Variants in DAAM1 observed in about 807,000 individuals in gnomAD.
DAAM1 encodes dishevelled associated activator of morphogenesis 1.
DAAM1 carries 52 observed loss-of-function variants against 130.0 expected under a neutral mutation model. That is an observed-to-expected ratio of 0.40 (90% CI 0.32 to 0.50). The LOEUF is 0.50. DAAM1 is among the 20% of genes least tolerant of loss of function. The pLI is 0.61. For missense variants in DAAM1, 1,134 were observed against 1,303.8 expected (o/e 0.87, Z 2.01); for synonymous variants, 452 against 444.5 (o/e 1.02, Z -0.21).
At chr14:59,269,443 C>T (rs2139518458) in intron 2 of DAAM1, among the ~76,000 whole-genome samples, 1 of 152,346 alleles carries the variant, frequency 6.6e-6, no homozygotes, top group South Asian at 2.1e-4. Flanking sequence ...GGGAGCTCTA[C>T]AGTTGTCCAG....
rs552897753 is a variant in DAAM1, at chr14:59,248,435, T to C, written c.-37-15006T>C. ...GTAAAGATCTTTCTTTGCTTATTGT[T>C]TGTCTCCTGCAGCTTCAGAAGTGTT... is the stretch of plus-strand genomic sequence containing the variant. On this transcript the variant is annotated intron_variant, in intron 1 of 24. Coordinates refer to ENST00000360909, the MANE Select transcript of DAAM1 (RefSeq NM_001270520.2). 1.4e-4 allele frequency among the ~76,000 whole-genome samples: 22 copies of C among 152,338 alleles called. No individual in the cohort carries two copies. In the East Asian group the frequency reaches 4.2e-3, roughly 29 times the overall value.
At chr14:59,368,558 A>G in intron 24 of DAAM1, 92 bp from the exon 25 acceptor site, 9 of 1,306,914 alleles carry the variant, frequency 6.9e-6, no homozygotes, top group Non-Finnish European at 9.5e-6. Context: ...TGGTGTCTGG[A>G]GCATTACCAT....
At chr14:59,298,176 GT>G (rs1170817502) in intron 3 of DAAM1, among the ~76,000 whole-genome samples, 1 of 152,178 alleles carries the variant, frequency 6.6e-6, no homozygotes, top group East Asian at 1.9e-4. Context: ...GACATGGTCT[GT>G]TTCTCTGTCT....
At chr14:59,206,625 G>A (rs1434093925) in intron 1 of DAAM1, among the ~76,000 whole-genome samples, 2 of 152,192 alleles carry the variant, frequency 1.3e-5, no homozygotes, top group African/African-American at 2.4e-5. Context: ...TTATTCCAGT[G>A]TTTAAAATTA....
chr14:59,194,811 A>G (rs1478746889), intron 1 of DAAM1, among the ~76,000 whole-genome samples: 1 of 152,244 alleles, frequency 6.6e-6, no homozygotes, highest in Non-Finnish European at 1.5e-5. Flanking sequence ...CTATTCTTTT[A>G]AACCATAGCC....
chr14:59,358,591 C>G (rs1886577074), intron 20 of DAAM1, among the ~76,000 whole-genome samples: 2 of 152,056 alleles, frequency 1.3e-5, no homozygotes, highest in Non-Finnish European at 1.5e-5. Context: ...ACCTATAATC[C>G]CAGCACTTTG....
At chr14:59,363,574 T>C (rs1886795740) in intron 22 of DAAM1, 77 bp from the exon 23 acceptor site, 3 of 1,576,712 alleles carry the variant, frequency 1.9e-6, no homozygotes, top group African/African-American at 1.4e-5. Flanking sequence ...ATTTAAGGCA[T>C]GTGAAATATG....
At chr14:59,225,030 T>TG (rs1888895387) in intron 1 of DAAM1, among the ~76,000 whole-genome samples, 7 of 139,668 alleles carry the variant, frequency 5.0e-5, no homozygotes, top group African/African-American at 1.6e-4. Flanking sequence ...TTTTTTTTTT[T>TG]TTTTTTTTTT....
At chr14:59,268,757 TCCCTCTCACCTCTACCTCCTC>T (rs1266027171) in intron 2 of DAAM1, among the ~76,000 whole-genome samples, 5 of 152,222 alleles carry the variant, frequency 3.3e-5, no homozygotes, top group African/African-American at 9.6e-5. Flanking sequence ...CTTTTTCCTC[TCCCTCTCACCTCTACCTCCTC>T]CCCTCTCCCA....
At chr14:59,194,861 T>C (rs952272410) in intron 1 of DAAM1, among the ~76,000 whole-genome samples, 5 of 152,234 alleles carry the variant, frequency 3.3e-5, no homozygotes, top group Non-Finnish European at 7.3e-5. Context: ...GGAAGCAAGT[T>C]CAATTTCCAA....
At chr14:59,358,605 G>A (rs991905471) in intron 20 of DAAM1, among the ~76,000 whole-genome samples, 3 of 152,106 alleles carry the variant, frequency 2.0e-5, no homozygotes, top group Admixed American at 6.5e-5. Flanking sequence ...CACTTTGGGA[G>A]GCCGAGGCGG....
chr14:59,303,479 C>T (rs1054721063), intron 3 of DAAM1, among the ~76,000 whole-genome samples: 2 of 152,090 alleles, frequency 1.3e-5, no homozygotes, highest in African/African-American at 2.4e-5. Flanking sequence ...CCCTGGTTAG[C>T]GATGGAGTAC....
intron 2 of DAAM1, chr14:59,266,071 A>G (rs1482272845): frequency 1.3e-5 from 2 of 152,178 alleles, no homozygotes; most frequent in African/African-American, 2.4e-5. Context: ...ACAGCAATCA[A>G]GAAGGGCAAT....
chr14:59,240,621 A>G (rs1000763053), intron 1 of DAAM1, among the ~76,000 whole-genome samples: 2 of 152,182 alleles, frequency 1.3e-5, no homozygotes, highest in African/African-American at 4.8e-5. Flanking sequence ...ATTTTGGGGT[A>G]GCTTCTGACA....
intron 22 of DAAM1, among the ~76,000 whole-genome samples, chr14:59,361,416 C>T (rs1229556991): frequency 1.3e-5 from 2 of 152,160 alleles, no homozygotes; most frequent in African/African-American, 2.4e-5. Context: ...AGAGTGATTA[C>T]GGAGGTGCCT....
At chr14:59,270,779 G>A (rs1212641474) in intron 2 of DAAM1, among the ~76,000 whole-genome samples, 1 of 152,114 alleles carries the variant, frequency 6.6e-6, no homozygotes, top group Non-Finnish European at 1.5e-5. Context: ...CAGCAACAGT[G>A]GTATTGGAAC....
In DAAM1 at chr14:59,326,243, C is replaced by A; in HGVS notation, c.1174+166C>A. The A allele has an allele frequency of 7.2e-6, 5 of 698,400 alleles. No individual in the cohort carries two copies. The South Asian group carries it at 9.8e-5, about 14-fold the overall frequency. The allele number at this position is 698,400 out of a possible 1,614,324, so 43.3% of individuals were successfully genotyped here. A position where few individuals can be genotyped will look rare whatever the true frequency, so the allele number is the denominator to read the frequency against. ...TGTCTACATGGCTTAAAGGGTGTTA[C>A]AAAATTTTTTAAATGAAACAAATTA... is the stretch of plus-strand genomic sequence containing the variant. On this transcript the variant is annotated intron_variant, in intron 10 of 24. Transcript: ENST00000360909.
At chr14:59,361,729 C>T (rs548774470) in intron 22 of DAAM1, among the ~76,000 whole-genome samples, 4 of 152,262 alleles carry the variant, frequency 2.6e-5, no homozygotes, top group African/African-American at 7.2e-5. Context: ...GGGATGAGAA[C>T]AGGCTGGCAG....
chr14:59,245,446 T>A (rs574945233), intron 1 of DAAM1, among the ~76,000 whole-genome samples: 5 of 152,216 alleles, frequency 3.3e-5, no homozygotes, highest in African/African-American at 1.2e-4. Context: ...CAAGTGAATT[T>A]ATTCCTGTGG....
Sources: allele counts gnomAD v4.1 joint callset (sites outside exome capture counted in the v4.1 genomes callset), GRCh38; gene constraint gnomAD v4.1.1; transcripts MANE v1.5; gene names NCBI Gene and HGNC (gene_info 2026-07-23, HGNC 2026-07-21).